ASTN2: variants seen among roughly 807,000 people sequenced by gnomAD.
ASTN2 encodes astrotactin 2, also known as astrotactin-2.
Under a neutral mutation model 139.8 loss-of-function variants are expected in ASTN2, and 54 were observed. That is an observed-to-expected ratio of 0.39 (90% confidence interval 0.31 to 0.48). ASTN2 has a LOEUF of 0.48. Ranked by LOEUF, ASTN2 falls within the 20% of genes least tolerant of loss-of-function variation. The pLI, the probability that ASTN2 is intolerant of heterozygous loss-of-function variation, is 0.95. For missense variants in ASTN2, 1,565 were observed against 1,725.1 expected, an observed-to-expected ratio of 0.91 and a Z score of 1.64; for synonymous variants, 756 against 719.5, an observed-to-expected ratio of 1.05 and a Z score of -0.81.
chr9:116,654,089 C>T (rs755097794), intron 16 of ASTN2, among the ~76,000 whole-genome samples: 3 of 152,068 alleles, frequency 2.0e-5, no homozygotes, highest in African/African-American at 4.8e-5. Flanking sequence ...AATAGCCGTT[C>T]GGGGAGAAGG....
At chr9:117,383,557 T>A (rs1830323102) in intron 1 of ASTN2, among the ~76,000 whole-genome samples, 1 of 152,048 alleles carries the variant, frequency 6.6e-6, no homozygotes, top group Non-Finnish European at 1.5e-5. Context: ...GTGGGGAGAA[T>A]GGCTGCCTGG....
At chr9:116,445,679 T>C (rs554768596) in intron 20 of ASTN2, among the ~76,000 whole-genome samples, 1 of 152,328 alleles carries the variant, frequency 6.6e-6, no homozygotes, top group Admixed American at 6.5e-5. Context: ...CTGAATATTC[T>C]TTGGGAAGTC....
intron 7 of ASTN2, among the ~76,000 whole-genome samples, chr9:116,985,839 G>A (rs1204845024): frequency 6.6e-6 from 1 of 152,080 alleles, no homozygotes; most frequent in Non-Finnish European, 1.5e-5. Flanking sequence ...CCAGAGCCCT[G>A]CAACCTCTAA....
At chr9:116,616,790 C>G (rs1855878663) in intron 19 of ASTN2, among the ~76,000 whole-genome samples, 1 of 151,316 alleles carries the variant, frequency 6.6e-6, no homozygotes, top group Non-Finnish European at 1.5e-5. Flanking sequence ...GACACACACA[C>G]ACACACACAC....
chr9:117,142,224 G>C (rs367775652), intron 3 of ASTN2, among the ~76,000 whole-genome samples: 2 of 152,136 alleles, frequency 1.3e-5, no homozygotes, highest in South Asian at 2.1e-4. Flanking sequence ...ATCACCAAAA[G>C]GTTTTAAACA....
chr9:116,687,078 A>G, intron 16 of ASTN2: 4 of 1,231,218 alleles, frequency 3.2e-6, no homozygotes, highest in Non-Finnish European at 3.1e-6. Context: ...AGTGAACTTG[A>G]GCAGGTCCCT....
chr9:116,667,691 G>A (rs543719154), intron 16 of ASTN2, among the ~76,000 whole-genome samples: 29 of 152,100 alleles, frequency 1.9e-4, no homozygotes, highest in Non-Finnish European at 4.1e-4. Context: ...TCTACATTAT[G>A]TACTGTTTTG....
chr9:117,131,042 A>G (rs1829815841), intron 4 of ASTN2, among the ~76,000 whole-genome samples: 1 of 152,244 alleles, frequency 6.6e-6, no homozygotes. Context: ...GCAGTTGATT[A>G]CAGCTGAATT....
chr9:116,969,093 C>T (rs1348877430), intron 10 of ASTN2, among the ~76,000 whole-genome samples: 1 of 152,236 alleles, frequency 6.6e-6, no homozygotes, highest in African/African-American at 2.4e-5. Flanking sequence ...TCATTCAACC[C>T]TGGTTTCAAG....
intron 11 of ASTN2, among the ~76,000 whole-genome samples, chr9:116,842,704 C>A (rs1418605611): frequency 7.2e-6 from 1 of 139,828 alleles, no homozygotes; most frequent in Non-Finnish European, 1.5e-5. Context: ...TTGTGCTGGA[C>A]TTCGGTGCTC....
chr9:117,091,885 G>A (rs898961995), intron 5 of ASTN2, among the ~76,000 whole-genome samples: 1 of 152,180 alleles, frequency 6.6e-6, no homozygotes, highest in Non-Finnish European at 1.5e-5. Flanking sequence ...ATTGAGAATG[G>A]ACTGGAAGAC....
rs1049140195 is a variant in ASTN2, at chr9:117,259,435, C to T, written c.630+31891G>A. On this transcript the variant is annotated intron_variant, in intron 2 of 22. Transcript: ENST00000313400. ...GGGAGGTCAGACATACCTCATTATG[C>T]CCTCCTCCCTTTGGGAATTTGGGAA... Among the ~76,000 whole-genome samples the T allele has an allele frequency of 2.6e-5, 4 of 152,200 alleles. No homozygotes were observed. In the East Asian group the frequency reaches 5.8e-4, roughly 22 times the overall value.
chr9:117,104,380 A>C (rs1829052803), intron 4 of ASTN2, among the ~76,000 whole-genome samples: 1 of 152,164 alleles, frequency 6.6e-6, no homozygotes. Context: ...CTTTTGGGTA[A>C]AAAAATATGC....
chr9:117,022,356 ACAGT>A (rs1431438713), intron 6 of ASTN2, among the ~76,000 whole-genome samples: 3 of 152,114 alleles, frequency 2.0e-5, no homozygotes, highest in Admixed American at 6.6e-5. Flanking sequence ...CTATGAGAAG[ACAGT>A]CAGAGCAAAG....
chr9:116,515,607 A>C (rs1196454809), intron 19 of ASTN2, among the ~76,000 whole-genome samples: 1 of 152,146 alleles, frequency 6.6e-6, no homozygotes, highest in African/African-American at 2.4e-5. Flanking sequence ...GATACACTCT[A>C]CTTTTGGACT....
rs1366728602 is a variant in ASTN2, at chr9:116,698,805, T to C, written c.2806+26966A>G. ...TGAGGCAGCCTCCAATATCCAGCAGTGCCTCTTTCTCAAGAAGATGGGGGC... is the reference window on the plus strand; with the variant it reads ...TGAGGCAGCCTCCAATATCCAGCAGCGCCTCTTTCTCAAGAAGATGGGGGC... On this transcript the variant is annotated intron_variant, in intron 16 of 22. Coordinates refer to ENST00000313400, the MANE Select transcript of ASTN2 (RefSeq NM_001365068.1). This position sits in a 1 kb window ranked among gnomAD's most constrained non-coding sequence, Gnocchi z 4.4. The C allele has an allele frequency of 6.2e-7, 1 of 1,614,078 alleles. No individual in the cohort carries two copies. The highest frequency in any genetic ancestry group is 1.3e-5 in the African/African-American group (1 of 74,922).
intron 7 of ASTN2, among the ~76,000 whole-genome samples, chr9:116,994,448 A>T (rs986548666): frequency 6.6e-6 from 1 of 152,128 alleles, no homozygotes; most frequent in African/African-American, 2.4e-5. Context: ...CCACTCAATA[A>T]ATATTTTGAA....
At chr9:116,442,792 T>G (rs1206152720) in intron 20 of ASTN2, among the ~76,000 whole-genome samples, 1 of 152,224 alleles carries the variant, frequency 6.6e-6, no homozygotes, top group African/African-American at 2.4e-5. Flanking sequence ...AGACTTAGAT[T>G]GTGTATCTTT....
At chr9:116,741,003 T>TTTA (rs1829085339) in intron 13 of ASTN2, among the ~76,000 whole-genome samples, 1 of 151,970 alleles carries the variant, frequency 6.6e-6, no homozygotes. Flanking sequence ...GACCTCTAAA[T>TTTA]GACAGAAATC....
Sources: gnomAD v4.1 joint callset for allele counts (sites outside exome capture counted in the v4.1 genomes callset) on GRCh38, gnomAD v4.1.1 for gene constraint, Gnocchi (gnomAD v3.1) non-coding constraint, MANE v1.5 for transcripts, NCBI Gene and HGNC (gene_info 2026-07-23, HGNC 2026-07-21) for gene names.